KCNMA1: variants seen among roughly 807,000 people sequenced by gnomAD.
The protein encoded by KCNMA1 is Calcium-activated potassium channel subunit alpha-1.
In KCNMA1, 29 loss-of-function variants were observed where a neutral mutation model predicts 140.0. The ratio of observed to expected loss-of-function variants is 0.21; its 90% CI spans 0.15 to 0.28. The LOEUF (loss-of-function observed/expected upper bound fraction) is 0.28, where lower values mean the gene tolerates loss of function less well. Ranked by LOEUF, KCNMA1 falls within the 10% of genes least tolerant of loss-of-function variation. KCNMA1 has a pLI of 1.00. For synonymous variants in KCNMA1, 612 were observed against 611.9 expected, an observed-to-expected ratio of 1.00 and a Z score of 0.00; for missense variants, 880 against 1,602.2, an observed-to-expected ratio of 0.55 and a Z score of 7.70.
intron 1 of KCNMA1, among the ~76,000 whole-genome samples, chr10:77,544,082 G>T (rs773294278): frequency 1.6e-4 from 24 of 151,260 alleles, no homozygotes; most frequent in Non-Finnish European, 2.4e-4. Context: ...GTTAAAATTG[G>T]GATGTAGAGT....
chr10:77,305,525 T>C (rs1384084492), intron 2 of KCNMA1, among the ~76,000 whole-genome samples: 1 of 152,180 alleles, frequency 6.6e-6, no homozygotes, highest in Non-Finnish European at 1.5e-5. Flanking sequence ...TTTACATCTC[T>C]TCAGGTTCTC....
chr10:77,329,407 A>G (rs1263396110), intron 2 of KCNMA1, among the ~76,000 whole-genome samples: 1 of 152,180 alleles, frequency 6.6e-6, no homozygotes, highest in East Asian at 1.9e-4. Context: ...GTCTTTAAAA[A>G]AGAGATTCCA....
intron 1 of KCNMA1, 176 bp downstream of exon 1, chr10:77,637,089 G>T: frequency 7.6e-7 from 1 of 1,313,362 alleles, no homozygotes; most frequent in Non-Finnish European, 1.0e-6. Context: ...CCGGCGCGCC[G>T]CCCGCTGCCC....
At chr10:77,306,930 T>C (rs1330302362) in intron 2 of KCNMA1, among the ~76,000 whole-genome samples, 1 of 152,134 alleles carries the variant, frequency 6.6e-6, no homozygotes, top group Non-Finnish European at 1.5e-5. Flanking sequence ...CCAATCTCAT[T>C]AGCCAAGGTC....
At chr10:77,489,763 A>G (rs1567124919) in intron 1 of KCNMA1, among the ~76,000 whole-genome samples, 1 of 152,276 alleles carries the variant, frequency 6.6e-6, no homozygotes, top group South Asian at 2.1e-4. Flanking sequence ...TGAAAATACT[A>G]TAGAGTAAGG....
chr10:77,467,714 G>A (rs1424082630), intron 1 of KCNMA1, among the ~76,000 whole-genome samples: 5 of 152,238 alleles, frequency 3.3e-5, no homozygotes, highest in Non-Finnish European at 7.3e-5. Flanking sequence ...CTGAAAGGCT[G>A]CTCCAAAAGG....
chr10:77,138,009 C>T (rs1350351178), intron 5 of KCNMA1, among the ~76,000 whole-genome samples: 1 of 152,122 alleles, frequency 6.6e-6, no homozygotes, highest in Non-Finnish European at 1.5e-5. Context: ...AGTCCTGGTT[C>T]CTGTTCTGAT....
chr10:77,596,679 G>C (rs534687495), intron 1 of KCNMA1, among the ~76,000 whole-genome samples: 1 of 152,320 alleles, frequency 6.6e-6, no homozygotes, highest in Non-Finnish European at 1.5e-5. Flanking sequence ...CTGTTTCCAT[G>C]CAGTTCCTTG....
chr10:77,171,477 G>C (rs1036199990), intron 5 of KCNMA1, among the ~76,000 whole-genome samples: 5 of 149,288 alleles, frequency 3.3e-5, no homozygotes, highest in African/African-American at 1.2e-4. Context: ...TGTTCCTCTG[G>C]TTTAAGAACC....
chr10:77,356,599 A>T (rs768856359), intron 2 of KCNMA1, among the ~76,000 whole-genome samples: 1 of 152,194 alleles, frequency 6.6e-6, no homozygotes, highest in Non-Finnish European at 1.5e-5. Context: ...ATCAAACAGG[A>T]AGAAATCACC....
At chr10:76,916,636 A>C (rs1218502028) in intron 23 of KCNMA1, among the ~76,000 whole-genome samples, 1 of 152,162 alleles carries the variant, frequency 6.6e-6, no homozygotes, top group African/African-American at 2.4e-5. Flanking sequence ...GACTTTTAGG[A>C]ACAAAGTCAC....
chr10:77,303,635 G>A (rs1012740063), intron 2 of KCNMA1, among the ~76,000 whole-genome samples: 3 of 152,136 alleles, frequency 2.0e-5, no homozygotes, highest in Non-Finnish European at 4.4e-5. Context: ...ACTACAGGCA[G>A]CACAGTCCCT....
At chr10:77,418,071 G>T (rs2096782094) in intron 1 of KCNMA1, among the ~76,000 whole-genome samples, 1 of 152,182 alleles carries the variant, frequency 6.6e-6, no homozygotes, top group Non-Finnish European at 1.5e-5. Flanking sequence ...ACCCTAGTTT[G>T]GATCTAGGTC....
At chr10:77,457,779 C>T (rs771883747) in intron 1 of KCNMA1, among the ~76,000 whole-genome samples, 2 of 152,108 alleles carry the variant, frequency 1.3e-5, no homozygotes, top group Non-Finnish European at 1.5e-5. Flanking sequence ...GCTGAATTAA[C>T]AAATCCCTAG....
intron 1 of KCNMA1, among the ~76,000 whole-genome samples, chr10:77,420,999 G>T (rs1332379826): frequency 1.3e-5 from 2 of 152,208 alleles, no homozygotes; most frequent in Admixed American, 6.5e-5. Flanking sequence ...ACTCTTCTCA[G>T]GGACTCCCCC....
intron 2 of KCNMA1, among the ~76,000 whole-genome samples, chr10:77,286,522 C>T (rs2070903423): frequency 6.6e-6 from 1 of 152,164 alleles, no homozygotes; most frequent in Admixed American, 6.6e-5. Flanking sequence ...AGAGTGATTT[C>T]CATTGTAGTT....
intron 1 of KCNMA1, among the ~76,000 whole-genome samples, chr10:77,623,702 C>CA (rs111575059): frequency 0.014 from 1,676 of 124,028 alleles, 13 homozygotes; most frequent in Middle Eastern, 0.05. Context: ...GACTCCGTCT[C>CA]AAAAAAAAAA....
chr10:77,233,672 G>A (rs1045509999), intron 3 of KCNMA1, among the ~76,000 whole-genome samples: 27 of 152,178 alleles, frequency 1.8e-4, no homozygotes, highest in Non-Finnish European at 2.9e-4. Flanking sequence ...AGTGCCTATT[G>A]TTTGAAGAAT....
chr10:77,311,877 CAGG>C (rs1192703551), intron 2 of KCNMA1, among the ~76,000 whole-genome samples: 1 of 152,218 alleles, frequency 6.6e-6, no homozygotes, highest in Non-Finnish European at 1.5e-5. Context: ...GAAATCATCT[CAGG>C]AGATCTATCC....
Sources: allele counts gnomAD v4.1 joint callset (sites outside exome capture counted in the v4.1 genomes callset), GRCh38; gene constraint gnomAD v4.1.1; transcripts MANE v1.5; gene names NCBI Gene and HGNC (gene_info 2026-07-23, HGNC 2026-07-21).